The following APBA2 variants were observed in gnomAD, a reference collection of about 807,000 sequenced individuals.
The protein encoded by APBA2 is amyloid-beta A4 precursor protein-binding family A member 2.
APBA2 carries 30 observed loss-of-function variants against 75.0 expected under a neutral mutation model. The observed-to-expected ratio is 0.40, with a 90% confidence interval of 0.30 to 0.54. The LOEUF is 0.54. Ranked by LOEUF, APBA2 falls within the 20% of genes least tolerant of loss-of-function variation. The pLI, the probability that APBA2 is intolerant of heterozygous loss-of-function variation, is 0.49. For missense variants in APBA2, 801 were observed against 1,016.1 expected, an observed-to-expected ratio of 0.79 and a Z score of 2.88; for synonymous variants, 444 against 409.6, an observed-to-expected ratio of 1.08 and a Z score of -1.01.
rs1420159436 is a variant in APBA2 at position 29,073,209 on chromosome 15, T to A, written c.952-1712T>A. On this transcript the variant is annotated intron_variant, in intron 4 of 14. Coordinates refer to ENST00000683413, the MANE Select transcript of APBA2 (RefSeq NM_001353788.2). ...GGACAGGGGATAGGGCTGGCAGCCATGCCTCGTGGCATCACCTGACTCCGA... is the reference window on the plus strand; with the variant it reads ...GGACAGGGGATAGGGCTGGCAGCCAAGCCTCGTGGCATCACCTGACTCCGA... Among the ~76,000 whole-genome samples, 8 of 152,240 alleles carry A rather than the reference T, an allele frequency of 5.3e-5. No individual in the cohort carries two copies. In the East Asian group the frequency reaches 1.5e-3, roughly 29 times the overall value.
chr15:28,925,426 G>T (rs544086519), intron 2 of APBA2, among the ~76,000 whole-genome samples: 1 of 152,274 alleles, frequency 6.6e-6, no homozygotes, highest in South Asian at 2.1e-4. Context: ...TCTGGAATAG[G>T]TTGTAAAGAA....
chr15:29,093,295 G>T (rs576226704), intron 7 of APBA2, 75 bp downstream of exon 7: 3 of 1,574,978 alleles, frequency 1.9e-6, no homozygotes, highest in African/African-American at 2.7e-5. Flanking sequence ...ATATGGCGGG[G>T]CGTAGGCCCT....
intron 2 of APBA2, among the ~76,000 whole-genome samples, chr15:28,975,678 T>A (rs2037297824): frequency 6.6e-6 from 1 of 152,182 alleles, no homozygotes; most frequent in African/African-American, 2.4e-5. Flanking sequence ...TGCTTTCGCA[T>A]GATGGGGGAG....
rs559493111 is a variant in APBA2, at chr15:29,018,191, C to T, written c.-41+22385C>T. 1.9e-3 allele frequency among the ~76,000 whole-genome samples: 293 copies of T among 152,186 alleles called. 1 individual carries two copies. Among genetic ancestry groups the T allele is most frequent in the African/African-American group, 6.9e-3 (285 of 41,532 alleles). ...GATAAATAAAGATATTGATAGAGAT[C>T]GGTAGGTAGAAATACAGATTTTCCC... On this transcript the variant is annotated intron_variant, in intron 3 of 14. Transcript: ENST00000683413.
chr15:29,098,354 AATGAT>A, intron 8 of APBA2, 131 bp from the exon 9 acceptor site: 13 of 716,470 alleles, frequency 1.8e-5, no homozygotes, highest in Non-Finnish European at 3.3e-5. Flanking sequence ...ACAGATATGA[AATGAT>A]ATATTGTTGT....
At chr15:28,933,967 A>AG (rs2034705237) in intron 2 of APBA2, among the ~76,000 whole-genome samples, 1 of 151,774 alleles carries the variant, frequency 6.6e-6, no homozygotes, top group African/African-American at 2.4e-5. Context: ...CCCAGGAGAA[A>AG]GGGGGGCATG....
At chr15:29,091,283 T>A (rs1038793254) in intron 6 of APBA2, among the ~76,000 whole-genome samples, 3 of 151,726 alleles carry the variant, frequency 2.0e-5, no homozygotes, top group African/African-American at 7.3e-5. Context: ...GGGATGGGGG[T>A]CCCTGTGGGG....
chr15:29,105,632 C>T (rs1394194213), intron 11 of APBA2, 74 bp downstream of exon 11: 35 of 1,545,868 alleles, frequency 2.3e-5, no homozygotes, highest in Non-Finnish European at 2.9e-5. Flanking sequence ...CAGAGCGAGC[C>T]TTCCCGGGGT....
At chr15:29,089,733 G>A (rs923574426) in intron 6 of APBA2, among the ~76,000 whole-genome samples, 5 of 152,166 alleles carry the variant, frequency 3.3e-5, no homozygotes, top group South Asian at 4.1e-4. Context: ...AACCTGGAGC[G>A]CCTTATTCTT....
At chr15:29,102,967 G>A (rs1456341801) in intron 10 of APBA2, among the ~76,000 whole-genome samples, 1 of 83,476 alleles carries the variant, frequency 1.2e-5, no homozygotes, top group Non-Finnish European at 3.6e-5. Flanking sequence ...TCCACTTGAA[G>A]TGCTTCGGCG....
chr15:29,043,416 C>T (rs1595813078), intron 3 of APBA2, among the ~76,000 whole-genome samples: 1 of 152,210 alleles, frequency 6.6e-6, no homozygotes, highest in South Asian at 2.1e-4. Flanking sequence ...TGTCACCTGA[C>T]AGGTATGGCT....
At chr15:29,090,965 A>AG (rs2043538449) in intron 6 of APBA2, among the ~76,000 whole-genome samples, 1 of 105,812 alleles carries the variant, frequency 9.5e-6, no homozygotes, top group African/African-American at 4.8e-5. Context: ...AGATGTGCAC[A>AG]CTTCACTCTG....
intron 2 of APBA2, among the ~76,000 whole-genome samples, chr15:28,959,811 A>G (rs2036368970): frequency 6.6e-6 from 1 of 152,320 alleles, no homozygotes; most frequent in Middle Eastern, 3.4e-3. Context: ...CTGACACTCT[A>G]CGGAAACTGG....
At chr15:29,032,460 C>T (rs1430455031) in intron 3 of APBA2, among the ~76,000 whole-genome samples, 1 of 152,232 alleles carries the variant, frequency 6.6e-6, no homozygotes, top group East Asian at 1.9e-4. Context: ...AGCCTGCCGG[C>T]CTGCCCTGCA....
At chr15:29,076,450 T>C (rs2042855475) in intron 6 of APBA2, among the ~76,000 whole-genome samples, 2 of 127,746 alleles carry the variant, frequency 1.6e-5, no homozygotes. Context: ...AAATTCAGGC[T>C]TTTTTTTTTT....
chr15:29,075,004 AATTT>A lies in APBA2; in HGVS notation c.1032+4_1032+7del, dbSNP rs1276958532. On this transcript the variant is annotated splice_donor_5th_base_variant and intron_variant, in intron 5 of 14. Coordinates refer to ENST00000683413, the MANE Select transcript of APBA2 (RefSeq NM_001353788.2). ...TTGACAATAACAACATTCCAGAGGT[AATTT>A]TTTTCAAGGATGAGAGTTCTGGGCT... 1 of 1,611,738 alleles carries A rather than the reference AATTT, an allele frequency of 6.2e-7. No homozygotes were observed. Among genetic ancestry groups the A allele is most frequent in the Admixed American group, 1.7e-5 (1 of 59,900 alleles).
intron 2 of APBA2, among the ~76,000 whole-genome samples, chr15:28,923,506 C>G (rs2034087120): frequency 6.6e-6 from 1 of 150,912 alleles, no homozygotes; most frequent in Non-Finnish European, 1.5e-5. Context: ...AACAAGCATC[C>G]CCAGACCTGA....
Position 29,084,780 on chromosome 15 carries a change from T to A in APBA2, c.1070-8295T>A, listed in dbSNP as rs182419707. On this transcript the variant is annotated intron_variant, in intron 6 of 14. Transcript: ENST00000683413. ...TCTGTCTTACAAATTTTTGTTGGTG[T>A]TATTGTGGAAGAATCTGTCATTTAT... 2.6e-5 allele frequency among the ~76,000 whole-genome samples: 4 copies of A among 152,342 alleles called. No homozygotes were observed. The East Asian group carries it at 7.7e-4, about 29-fold the overall frequency.
At chr15:29,042,842 T>C (rs2041119649) in intron 3 of APBA2, among the ~76,000 whole-genome samples, 1 of 152,122 alleles carries the variant, frequency 6.6e-6, no homozygotes, top group East Asian at 1.9e-4. Flanking sequence ...AGCAGTGTAC[T>C]TCTTTGCACG....
Sources: allele counts gnomAD v4.1 joint callset (sites outside exome capture counted in the v4.1 genomes callset), GRCh38; gene constraint gnomAD v4.1.1; transcripts MANE v1.5; gene names NCBI Gene and HGNC (gene_info 2026-07-23, HGNC 2026-07-21).